The following PLXNC1 variants were observed in gnomAD, a reference collection of about 807,000 sequenced individuals.
The protein encoded by PLXNC1 is plexin C1, also known as plexin-C1.
PLXNC1 carries 75 observed loss-of-function variants against 178.2 expected under a neutral mutation model. The ratio of observed to expected loss-of-function variants is 0.42; its 90% confidence interval spans 0.35 to 0.51. The LOEUF (loss-of-function observed/expected upper bound fraction) is 0.51. Ranked by LOEUF, PLXNC1 falls within the 20% of genes least tolerant of loss-of-function variation. The pLI is 0.02. For missense variants in PLXNC1, 1,503 were observed against 1,984.4 expected, an observed-to-expected ratio of 0.76 and a Z score of 4.61; for synonymous variants, 790 against 779.9, an observed-to-expected ratio of 1.01 and a Z score of -0.22.
At chr12:94,254,183 T>G (rs564505368) in intron 15 of PLXNC1, among the ~76,000 whole-genome samples, 1 of 152,336 alleles carries the variant, frequency 6.6e-6, no homozygotes, top group Non-Finnish European at 1.5e-5. Flanking sequence ...ACATAGCTAG[T>G]AAATGGCAGA....
At chr12:94,264,238 T>C (rs943349857) in intron 20 of PLXNC1, among the ~76,000 whole-genome samples, 4 of 152,124 alleles carry the variant, frequency 2.6e-5, no homozygotes, top group African/African-American at 9.7e-5. Flanking sequence ...CTTGAGGTGC[T>C]CAGAGTCCTT....
chr12:94,213,511 C>T (rs1963554275), intron 5 of PLXNC1, among the ~76,000 whole-genome samples: 1 of 149,748 alleles, frequency 6.7e-6, no homozygotes, highest in African/African-American at 2.4e-5. Flanking sequence ...TTTGCTTTTT[C>T]TTGTAAATGT....
intron 21 of PLXNC1, chr12:94,277,686 G>A (rs1372626050): frequency 6.0e-6 from 2 of 333,352 alleles, no homozygotes; most frequent in Non-Finnish European, 1.2e-5. Flanking sequence ...ACTGAGCATG[G>A]AGTGGGCGTC....
intron 4 of PLXNC1, among the ~76,000 whole-genome samples, chr12:94,193,280 C>T (rs948359095): frequency 1.7e-4 from 26 of 152,006 alleles, no homozygotes; most frequent in African/African-American, 5.1e-4. Flanking sequence ...CAAGGTGGAC[C>T]GGAGGGGACT....
chr12:94,199,190 A>G (rs1963032522), intron 4 of PLXNC1, among the ~76,000 whole-genome samples: 1 of 152,204 alleles, frequency 6.6e-6, no homozygotes, highest in African/African-American at 2.4e-5. Flanking sequence ...ATCCGCCTTC[A>G]TGGGCTATTG....
intron 9 of PLXNC1, 146 bp from the exon 10 acceptor site, chr12:94,237,518 G>C (rs1418742136): frequency 6.3e-6 from 4 of 639,660 alleles, no homozygotes; most frequent in Non-Finnish European, 1.1e-5. Flanking sequence ...TGAATTCATT[G>C]ATTTCATTAA....
At chr12:94,245,175 C>T (rs1474216443) in intron 12 of PLXNC1, among the ~76,000 whole-genome samples, 1 of 152,216 alleles carries the variant, frequency 6.6e-6, no homozygotes, top group Non-Finnish European at 1.5e-5. Context: ...GTGAACACCT[C>T]CAGTTGAATG....
rs527559178 is a variant in PLXNC1, at chr12:94,285,918, T to TG, written c.3879+3521dup. The stretch of plus-strand genomic sequence containing the variant: ...GCTTCTCAGCATCCCTTGGCCACTG[T>TG]GGGGCATGGGGTGGGCCGCAGAGGC... On this transcript the variant is annotated intron_variant, in intron 23 of 30. Coordinates refer to ENST00000258526, the MANE Select transcript of PLXNC1 (RefSeq NM_005761.3). 3.3e-5 allele frequency among the ~76,000 whole-genome samples: 5 copies of TG among 152,050 alleles called. No individual in the cohort carries two copies. The South Asian group carries it at 8.3e-4, about 25-fold the overall frequency.
At position 94,306,298 on chromosome 12, in the gene PLXNC1, T is replaced by C. The variant is rs1449644723; in HGVS notation, c.*1013T>C. 6.6e-6 allele frequency: 1 copy of C among 152,110 alleles called. No individual in the cohort carries two copies. The highest frequency in any genetic ancestry group is 2.4e-5 in the African/African-American group (1 of 41,440). 9.4% of individuals were successfully genotyped at this position (152,110 alleles called of 1,614,324 possible). On this transcript the variant is annotated 3_prime_UTR_variant, in exon 31 of 31. Coordinates refer to ENST00000258526, the MANE Select transcript of PLXNC1 (RefSeq NM_005761.3). ...CTGGAGTATTATATATAAATATATA[T>C]ATTTGAGGCCCAAGGCCTGAAAAAT...
intron 4 of PLXNC1, among the ~76,000 whole-genome samples, chr12:94,201,396 C>T (rs980758510): frequency 1.3e-5 from 2 of 152,202 alleles, no homozygotes; most frequent in Non-Finnish European, 2.9e-5. Flanking sequence ...TTATGTCATC[C>T]ATTTTTTTGC....
intron 2 of PLXNC1, among the ~76,000 whole-genome samples, chr12:94,175,458 G>A (rs1592732971): frequency 6.6e-6 from 1 of 151,998 alleles, no homozygotes; most frequent in Non-Finnish European, 1.5e-5. Context: ...CTTCCTGTGG[G>A]TGATCTTGAA....
chr12:94,196,955 TC>T (rs1170510856), intron 4 of PLXNC1, among the ~76,000 whole-genome samples: 1 of 152,206 alleles, frequency 6.6e-6, no homozygotes, highest in Non-Finnish European at 1.5e-5. Context: ...ATCTTACAGT[TC>T]TGGAGGTCAC....
At chr12:94,247,715 C>T (rs1316675326) in intron 12 of PLXNC1, among the ~76,000 whole-genome samples, 188 bp from the exon 13 acceptor site, 1 of 152,074 alleles carries the variant, frequency 6.6e-6, no homozygotes, top group Non-Finnish European at 1.5e-5. Context: ...TCTCAGTTAA[C>T]GTAGCCCTCA....
intron 14 of PLXNC1, among the ~76,000 whole-genome samples, chr12:94,251,207 A>C (rs1001213406): frequency 2.6e-5 from 4 of 152,208 alleles, no homozygotes; most frequent in South Asian, 2.1e-4. Flanking sequence ...CTAGTCCAGC[A>C]TGTGTCAACT....
chr12:94,253,969 G>A lies in PLXNC1; in HGVS notation c.2882-818G>A, dbSNP rs1280725254. 2.0e-5 allele frequency among the ~76,000 whole-genome samples: 3 copies of A among 152,196 alleles called. 1 individual carries two copies. The highest frequency in any genetic ancestry group is 2.1e-4 in the South Asian group (1 of 4,826). ...GCTGGAATTACAGACGTAAGCCCCC[G>A]CACCTGGCTGTAATTTCTATAAGGA... is the stretch of plus-strand genomic sequence containing the variant. On this transcript the variant is annotated intron_variant, in intron 15 of 30. Transcript: ENST00000258526.
At chr12:94,209,161 T>C (rs1011293932) in intron 4 of PLXNC1, among the ~76,000 whole-genome samples, 3 of 152,200 alleles carry the variant, frequency 2.0e-5, no homozygotes, top group Admixed American at 2.0e-4. Flanking sequence ...AGTTACACAA[T>C]AGGTTGATAT....
At chr12:94,216,376 T>C (rs1458514726) in intron 5 of PLXNC1, among the ~76,000 whole-genome samples, 1 of 151,368 alleles carries the variant, frequency 6.6e-6, no homozygotes, top group African/African-American at 2.4e-5. Flanking sequence ...AAGAAAAACA[T>C]CAATACACCA....
chr12:94,265,190 T>C lies in PLXNC1; in HGVS notation c.3562T>C (p.Trp1188Arg), dbSNP rs1478446979. The C allele has an allele frequency of 6.2e-7, 1 of 1,612,654 alleles. No homozygotes were observed. The highest frequency in any genetic ancestry group is 2.2e-5 in the East Asian group (1 of 44,876). ...AGCCCTGTACACACTTAATGAAGAC[T>C]GGCTGTTGTGGCAGGTTCCGGAATT... ...CKALYTLNEDWLLWQVPEFST... is the reference protein window; with the variant it reads ...CKALYTLNEDRLLWQVPEFST... Residue 1188 changes from tryptophan (W) to arginine (R), a missense_variant, in exon 21 of 31, where the codon TGG (tryptophan) becomes CGG (arginine). Around this residue, in one of 4 missense-constraint regions of PLXNC1, gnomAD observed 639 missense variants for 979.7 expected, o/e 0.65. Transcript: ENST00000258526.
chr12:94,265,272 C>T (rs779556272), intron 21 of PLXNC1, 47 bp downstream of exon 21: 26 of 1,549,522 alleles, frequency 1.7e-5, no homozygotes, highest in East Asian at 4.5e-5. Context: ...ATAAATCTGG[C>T]GGGGAATTAG....
Sources: gnomAD v4.1 joint callset for allele counts (sites outside exome capture counted in the v4.1 genomes callset) on GRCh38, gnomAD v4.1.1 for gene constraint, gnomAD v4.1.1 regional missense constraint, MANE v1.5 for transcripts, NCBI Gene and HGNC (gene_info 2026-07-23, HGNC 2026-07-21) for gene names.